The following TYW1 variants were observed in gnomAD, a reference collection of about 807,000 sequenced individuals.
TYW1 encodes the protein S-adenosyl-L-methionine-dependent tRNA 4-demethylwyosine synthase TYW1.
Under a neutral mutation model 96.2 loss-of-function variants are expected in TYW1, and 46 were observed. That is an observed-to-expected ratio of 0.48 (90% CI 0.38 to 0.61). The LOEUF is 0.61. Among genes scored for constraint, TYW1 ranks in the 20% least tolerant of loss-of-function variants. TYW1 has a pLI of 0.00. For missense variants in TYW1, 684 were observed against 909.6 expected (o/e 0.75, Z 3.19); for synonymous variants, 274 against 323.0 (o/e 0.85, Z 1.63).
intron 10 of TYW1, among the ~76,000 whole-genome samples, chr7:67,068,640 ACT>A (rs1795944788): frequency 6.6e-6 from 1 of 151,358 alleles, no homozygotes; most frequent in Non-Finnish European, 1.5e-5. Context: ...GTCTTTTATG[ACT>A]CTGTGTTATG....
intron 4 of TYW1, 149 bp downstream of exon 4, chr7:67,009,833 C>T (rs555738448): frequency 5.4e-6 from 4 of 746,914 alleles, no homozygotes; most frequent in African/African-American, 3.6e-5. Flanking sequence ...CAGTGTGAAT[C>T]AGAGAATTGA....
intron 7 of TYW1, among the ~76,000 whole-genome samples, chr7:67,038,845 A>T (rs181750185): frequency 6.6e-6 from 1 of 152,228 alleles, no homozygotes; most frequent in East Asian, 1.9e-4. Context: ...CAGAGGTTGC[A>T]GTGAGCCAAG....
At chr7:67,179,829 A>G (rs1378638915) in intron 13 of TYW1, among the ~76,000 whole-genome samples, 6 of 144,262 alleles carry the variant, frequency 4.2e-5, no homozygotes, top group Non-Finnish European at 9.0e-5. Flanking sequence ...ATGCTATTTC[A>G]TAATTTAATC....
chr7:67,178,044 G>A (rs543569056), intron 13 of TYW1, among the ~76,000 whole-genome samples: 5 of 150,544 alleles, frequency 3.3e-5, no homozygotes, highest in African/African-American at 1.2e-4. Flanking sequence ...TGTGCCTGTA[G>A]TCCCAGCTAC....
chr7:67,069,390 C>A (rs1795965912), intron 10 of TYW1, among the ~76,000 whole-genome samples: 1 of 152,192 alleles, frequency 6.6e-6, no homozygotes, highest in South Asian at 2.1e-4. Flanking sequence ...TTTATAATTG[C>A]TGTTTTATAC....
intron 7 of TYW1, among the ~76,000 whole-genome samples, chr7:67,033,250 T>A (rs1401602761): frequency 6.6e-6 from 1 of 152,128 alleles, no homozygotes; most frequent in East Asian, 1.9e-4. Context: ...TCCCTCTGGC[T>A]TCTCTTTTGA....
intron 11 of TYW1, among the ~76,000 whole-genome samples, chr7:67,095,967 A>G (rs189779154): frequency 2.4e-4 from 37 of 152,346 alleles, no homozygotes; most frequent in African/African-American, 8.4e-4. Flanking sequence ...GGTAATAGCA[A>G]ATCGTTAATG....
In TYW1 at chr7:67,145,150, CT is replaced by C. The variant is rs201330239; in HGVS notation, c.1698+27549del. Among the ~76,000 whole-genome samples the C allele has an allele frequency of 1.8e-3, 206 of 115,008 alleles. 1 individual carries two copies. Among genetic ancestry groups the C allele is most frequent in the Admixed American group, 2.4e-3 (26 of 10,714 alleles). 75.4% of individuals were successfully genotyped at this position (115,008 alleles called of 152,430 possible). A position where few individuals can be genotyped will look rare whatever the true frequency, so the allele number is the denominator to read the frequency against. On this transcript the variant is annotated intron_variant, in intron 13 of 15. Coordinates refer to ENST00000359626, the MANE Select transcript of TYW1 (RefSeq NM_018264.4). Reference sequence around the variant, plus strand: ...TGGGCATTTTACCCTGTTTTAGTTTCTTTTTTTTTTTTTTTTTGAAACGAGT... The same window carrying C: ...TGGGCATTTTACCCTGTTTTAGTTTCTTTTTTTTTTTTTTTTGAAACGAGT...
At chr7:67,200,197 T>TTTGTTGA (rs1324831706) in intron 15 of TYW1, among the ~76,000 whole-genome samples, 1 of 151,964 alleles carries the variant, frequency 6.6e-6, no homozygotes, top group Non-Finnish European at 1.5e-5. Context: ...CTCTATAATG[T>TTTGTTGA]TTGTTGAATA....
intron 15 of TYW1, among the ~76,000 whole-genome samples, chr7:67,201,657 A>G (rs1800603932): frequency 6.6e-6 from 1 of 152,164 alleles, no homozygotes; most frequent in Admixed American, 6.5e-5. Flanking sequence ...AAAGATATAG[A>G]TATCAAATTA....
intron 7 of TYW1, among the ~76,000 whole-genome samples, chr7:67,027,763 T>G (rs970558343): frequency 7.2e-5 from 11 of 152,040 alleles, no homozygotes; most frequent in African/African-American, 1.7e-4. Context: ...ACCCCGTCTC[T>G]ACTAAAAATA....
intron 15 of TYW1, among the ~76,000 whole-genome samples, chr7:67,214,775 T>TC (rs1006604382): frequency 6.5e-5 from 9 of 139,068 alleles, no homozygotes; most frequent in African/African-American, 2.5e-4. Flanking sequence ...TTTTTTTTTT[T>TC]CTTTAGCCTA....
intron 10 of TYW1, among the ~76,000 whole-genome samples, chr7:67,069,546 CT>C (rs1795969394): frequency 6.6e-6 from 1 of 152,116 alleles, no homozygotes; most frequent in Non-Finnish European, 1.5e-5. Context: ...CAAGACCTGT[CT>C]GGGTAACATG....
At chr7:67,078,083 ATTTTTTG>A (rs1288134487) in intron 10 of TYW1, among the ~76,000 whole-genome samples, 1 of 149,152 alleles carries the variant, frequency 6.7e-6, no homozygotes, top group African/African-American at 2.5e-5. Flanking sequence ...TTTATAGTTT[ATTTTTTG>A]TTTTTTGTTT....
intron 11 of TYW1, among the ~76,000 whole-genome samples, chr7:67,084,219 T>A (rs1354928107): frequency 6.6e-6 from 1 of 151,940 alleles, no homozygotes; most frequent in Non-Finnish European, 1.5e-5. Flanking sequence ...TAAATAATGT[T>A]AGTTAGTGAT....
chr7:67,082,271 G>A (rs11760318), intron 10 of TYW1, among the ~76,000 whole-genome samples: 47,783 of 151,948 alleles, frequency 0.31, 8,004 homozygotes, highest in African/African-American at 0.44. Flanking sequence ...AGTAGTTTTC[G>A]TAGGGAAAGA....
intron 13 of TYW1, among the ~76,000 whole-genome samples, chr7:67,122,986 G>A (rs1356441733): frequency 6.6e-6 from 1 of 152,144 alleles, no homozygotes; most frequent in Admixed American, 6.5e-5. Context: ...TAAGATAATG[G>A]TACATTAAAT....
chr7:67,013,880 A>G (rs1160287501), intron 4 of TYW1, among the ~76,000 whole-genome samples: 2 of 150,740 alleles, frequency 1.3e-5, no homozygotes, highest in Non-Finnish European at 2.9e-5. Context: ...AGTAGCTGGG[A>G]CTACAGGCAC....
intron 14 of TYW1, among the ~76,000 whole-genome samples, chr7:67,191,232 G>A (rs1319089278): frequency 6.6e-6 from 1 of 152,176 alleles, no homozygotes; most frequent in Non-Finnish European, 1.5e-5. Context: ...CAACACTGGG[G>A]ATCACATTTC....
Sources: gnomAD v4.1 joint callset for allele counts (sites outside exome capture counted in the v4.1 genomes callset) on GRCh38, gnomAD v4.1.1 for gene constraint, MANE v1.5 for transcripts, NCBI Gene and HGNC (gene_info 2026-07-23, HGNC 2026-07-21) for gene names.